QKI: variants seen among roughly 807,000 people sequenced by gnomAD.
QKI encodes the protein KH domain-containing RNA-binding protein QKI.
In QKI, 10 loss-of-function variants were observed where a neutral mutation model predicts 39.0. That is an observed-to-expected ratio of 0.26 (90% confidence interval 0.16 to 0.43). The LOEUF is 0.43. Ranked by LOEUF, QKI falls within the 20% of genes least tolerant of loss-of-function variation. QKI has a pLI of 1.00. For synonymous variants in QKI, 204 were observed against 155.4 expected, an observed-to-expected ratio of 1.31 and a Z score of -2.33; for missense variants, 218 against 428.0, an observed-to-expected ratio of 0.51 and a Z score of 4.33.
chr6:163,574,139 TC>T lies in QKI; in HGVS notation c.*3431del, dbSNP rs775279031. 3 of 152,202 alleles carry T rather than the reference TC, an allele frequency of 2.0e-5. No individual in the cohort carries two copies. The highest frequency in any genetic ancestry group is 4.4e-5 in the Non-Finnish European group (3 of 68,050). 9.4% of individuals were successfully genotyped at this position (152,202 alleles called of 1,614,324 possible). A position where few individuals can be genotyped will look rare whatever the true frequency, so the allele number is the denominator to read the frequency against. On this transcript the variant is annotated 3_prime_UTR_variant, in exon 8 of 8. Transcript: ENST00000361752. ...TAATTCCACACCTTATTTTTCCTTC[TC>T]CAAAATAATCACTGTCTGCTCACAG...
At chr6:163,419,050 A>T (rs1236474372) in intron 1 of QKI, among the ~76,000 whole-genome samples, 1 of 152,080 alleles carries the variant, frequency 6.6e-6, no homozygotes, top group Non-Finnish European at 1.5e-5. Flanking sequence ...AGAAAAAGAG[A>T]GCAGATGGAT....
At position 163,462,491 on chromosome 6, in the gene QKI, TCTATC is replaced by T. The variant is rs528836461; in HGVS notation, c.285+7073_285+7077del. On this transcript the variant is annotated intron_variant, in intron 2 of 7. Coordinates refer to ENST00000361752, the MANE Select transcript of QKI (RefSeq NM_006775.3). Reference sequence around the variant, plus strand: ...AGGGAATTGATTGACTTTGAAAACTTCTATCCTGTATTGTTTGGGGTTACAGAACA... The same window carrying T: ...AGGGAATTGATTGACTTTGAAAACTTCTGTATTGTTTGGGGTTACAGAACA... Among the ~76,000 whole-genome samples the T allele has an allele frequency of 6.2e-3, 938 of 152,330 alleles. 2 individuals are homozygous for T. Among genetic ancestry groups the T allele is most frequent in the Middle Eastern group, 0.02 (6 of 294 alleles).
Position 163,575,225 on chromosome 6 carries a change from C to A in QKI, c.*4515C>A, listed in dbSNP as rs1314759974. 5 of 152,192 alleles carry A rather than the reference C, an allele frequency of 3.3e-5. No homozygotes were observed. The highest frequency in any genetic ancestry group is 7.3e-5 in the Non-Finnish European group (5 of 68,034). 9.4% of individuals were successfully genotyped at this position (152,192 alleles called of 1,614,324 possible). On this transcript the variant is annotated 3_prime_UTR_variant, in exon 8 of 8. Coordinates refer to ENST00000361752, the MANE Select transcript of QKI (RefSeq NM_006775.3). ...TACAAGTTGTCATGGTACCATGTAA[C>A]TTAAATTGATGAATTTCTATGCAAT... is the stretch of plus-strand genomic sequence containing the variant.
intron 3 of QKI, among the ~76,000 whole-genome samples, chr6:163,506,018 C>T (rs765080289): frequency 6.6e-6 from 1 of 152,102 alleles, no homozygotes; most frequent in Non-Finnish European, 1.5e-5. Flanking sequence ...AGTGAGTTCT[C>T]ATGAGATCTG....
At chr6:163,565,368 T>C (rs1234513404) in intron 6 of QKI, 35 of 986,246 alleles carry the variant, frequency 3.5e-5, no homozygotes, top group Non-Finnish European at 3.7e-5. Context: ...CACCAGCTGC[T>C]GTTCCAGCAC....
intron 3 of QKI, among the ~76,000 whole-genome samples, chr6:163,522,465 C>G (rs1471721529): frequency 1.3e-5 from 2 of 152,036 alleles, no homozygotes; most frequent in Non-Finnish European, 2.9e-5. Context: ...TGTTTTCTAC[C>G]CTTGTCTGGT....
At chr6:163,431,831 T>TAA (rs34131160) in intron 1 of QKI, among the ~76,000 whole-genome samples, 9 of 140,844 alleles carry the variant, frequency 6.4e-5, no homozygotes, top group Non-Finnish European at 1.2e-4. Flanking sequence ...CTGTTCTTAT[T>TAA]AAAAAAAAAA....
intron 3 of QKI, among the ~76,000 whole-genome samples, chr6:163,492,714 A>T (rs924591894): frequency 2.0e-5 from 3 of 152,126 alleles, no homozygotes; most frequent in African/African-American, 2.4e-5. Flanking sequence ...AACTAATAAG[A>T]TTAATGTTTG....
chr6:163,522,690 T>C (rs1780236075), intron 3 of QKI, among the ~76,000 whole-genome samples: 1 of 152,192 alleles, frequency 6.6e-6, no homozygotes, highest in African/African-American at 2.4e-5. Context: ...TATGTGCCTG[T>C]TTCCTTGCCG....
At chr6:163,514,164 G>A (rs1779653310) in intron 3 of QKI, among the ~76,000 whole-genome samples, 1 of 152,120 alleles carries the variant, frequency 6.6e-6, no homozygotes, top group Admixed American at 6.5e-5. Context: ...AGGAACACCT[G>A]TGGCTTACTG....
intron 3 of QKI, among the ~76,000 whole-genome samples, chr6:163,518,058 T>A (rs1297586920): frequency 6.6e-6 from 1 of 152,164 alleles, no homozygotes; most frequent in Non-Finnish European, 1.5e-5. Context: ...TTAATATTTA[T>A]TGTGAAGGAA....
At chr6:163,539,038 G>T (rs1350659197) in intron 4 of QKI, among the ~76,000 whole-genome samples, 1 of 152,188 alleles carries the variant, frequency 6.6e-6, no homozygotes, top group East Asian at 1.9e-4. Context: ...ATTGTCATTA[G>T]ATCAAAAGCT....
rs1554258937 is a variant in QKI, at chr6:163,439,354, T to TC, written c.143-15924dup. Among the ~76,000 whole-genome samples the TC allele has an allele frequency of 2.8e-4, 37 of 133,468 alleles. 1 individual carries two copies. In the East Asian group the frequency reaches 6.9e-3, roughly 25 times the overall value. 87.6% of individuals were successfully genotyped at this position (133,468 alleles called of 152,430 possible). ...GGTTTTTTTTTGTTTTTTTTTTTTT[T>TC]CGGGGGGGTGGGGGACGGAGTCTCA... On this transcript the variant is annotated intron_variant, in intron 1 of 7. Transcript: ENST00000361752.
intron 1 of QKI, among the ~76,000 whole-genome samples, chr6:163,436,993 T>G (rs1789349545): frequency 6.6e-6 from 1 of 152,158 alleles, no homozygotes; most frequent in Non-Finnish European, 1.5e-5. Flanking sequence ...ATCTCTCAAT[T>G]TCCATGGAGA....
At chr6:163,436,198 T>TA (rs1048235231) in intron 1 of QKI, among the ~76,000 whole-genome samples, 1 of 152,210 alleles carries the variant, frequency 6.6e-6, no homozygotes, top group Non-Finnish European at 1.5e-5. Context: ...ATGTAAAATA[T>TA]AAAAATAACA....
chr6:163,440,390 A>G (rs989707966), intron 1 of QKI, among the ~76,000 whole-genome samples: 7 of 152,222 alleles, frequency 4.6e-5, no homozygotes, highest in Admixed American at 2.0e-4. Flanking sequence ...TGAAAATATT[A>G]CTTACCTGTA....
At chr6:163,529,143 A>G (rs1285373031) in intron 3 of QKI, among the ~76,000 whole-genome samples, 2 of 152,176 alleles carry the variant, frequency 1.3e-5, no homozygotes, top group African/African-American at 4.8e-5. Flanking sequence ...GAGAACAAGA[A>G]ATGGAGTAAA....
intron 3 of QKI, among the ~76,000 whole-genome samples, chr6:163,511,948 A>G (rs1187992595): frequency 6.9e-6 from 1 of 145,378 alleles, no homozygotes; most frequent in Non-Finnish European, 1.5e-5. Flanking sequence ...TAAACATTTT[A>G]AACAAAATTT....
chr6:163,563,182 AT>A (rs558151179), intron 5 of QKI, among the ~76,000 whole-genome samples: 1 of 152,092 alleles, frequency 6.6e-6, no homozygotes, highest in African/African-American at 2.4e-5. Flanking sequence ...GGTGTCATTC[AT>A]TTTTTTACAA....
Sources: allele counts gnomAD v4.1 joint callset (sites outside exome capture counted in the v4.1 genomes callset), GRCh38; gene constraint gnomAD v4.1.1; transcripts MANE v1.5; gene names NCBI Gene and HGNC (gene_info 2026-07-23, HGNC 2026-07-21).